ERF: variants seen among roughly 807,000 people sequenced by gnomAD.
ERF encodes ETS domain-containing transcription factor ERF.
ERF carries 10 observed loss-of-function variants against 41.6 expected under a neutral mutation model. The ratio of observed to expected loss-of-function variants is 0.24; its 90% CI spans 0.15 to 0.41. ERF has a LOEUF of 0.41. ERF is among the 10% of genes least tolerant of loss of function. The probability of loss-of-function intolerance (pLI) is 1.00; values close to 1 mark genes in which losing one functional copy is unlikely to be tolerated. For missense variants in ERF, 621 were observed against 763.2 expected, an observed-to-expected ratio of 0.81 and a Z score of 2.19; for synonymous variants, 395 against 342.4, an observed-to-expected ratio of 1.15 and a Z score of -1.70.
In ERF at chr19:42,255,119, A is replaced by G. The variant is rs1168625562; in HGVS notation, c.-120T>C. The G allele has an allele frequency of 4.5e-6, 4 of 884,048 alleles. No individual in the cohort carries two copies. Among genetic ancestry groups the G allele is most frequent in the South Asian group, 1.0e-4 (2 of 19,204 alleles). The allele number at this position is 884,048 out of a possible 1,614,324, so 54.8% of individuals were successfully genotyped here. A position where few individuals can be genotyped will look rare whatever the true frequency, so the allele number is the denominator to read the frequency against. Reference sequence around the variant, plus strand: ...GCCGCCTCACCCGGCCTCGCCTCTCAGAGCCTCTCCCCTCCCCGCCGCCGC... The same window carrying G: ...GCCGCCTCACCCGGCCTCGCCTCTCGGAGCCTCTCCCCTCCCCGCCGCCGC... On this transcript the variant is annotated 5_prime_UTR_variant, in exon 1 of 4. Coordinates refer to ENST00000222329, the MANE Select transcript of ERF (RefSeq NM_006494.4).
Position 42,250,969 on chromosome 19 carries a change from T to G in ERF, c.23-404A>C, listed in dbSNP as rs929035730. On this transcript the variant is annotated intron_variant, in intron 1 of 3. Coordinates refer to ENST00000222329, the MANE Select transcript of ERF (RefSeq NM_006494.4). The surrounding 1 kb of genome is among the most constrained non-coding windows in gnomAD (Gnocchi z 5.1). ...ACCCCCACTCCCATTCAGAGCCAGTTGCACCACCCCAGCTCCTCGGATGTC... is the reference window on the plus strand; with the variant it reads ...ACCCCCACTCCCATTCAGAGCCAGTGGCACCACCCCAGCTCCTCGGATGTC... Among the ~76,000 whole-genome samples, 1 of 152,082 alleles carries G rather than the reference T, an allele frequency of 6.6e-6. No individual in the cohort carries two copies. Among genetic ancestry groups the G allele is most frequent in the East Asian group, 1.9e-4 (1 of 5,180 alleles).
chr19:42,249,012 G>A lies in ERF; in HGVS notation c.1100C>T (p.Ser367Phe). The change falls in exon 4 of 4, where the codon TCC becomes TTC. Residue 367 changes from serine to phenylalanine, a missense_variant. Ser to Phe is a radical substitution (Grantham distance 155, BLOSUM62 -2). Coordinates refer to ENST00000222329, the MANE Select transcript of ERF (RefSeq NM_006494.4). The surrounding 1 kb of genome is among the most constrained non-coding windows in gnomAD (Gnocchi z 8.6). ...GAATGGGGAGGAAGAAGAAGAAGAG[G>A]ATGACGAGGCCGAGGAGGGGACCGG... Reference protein sequence around the residue: ...TPPVPSSASSSSSSSSSPFKF... With the variant: ...TPPVPSSASSFSSSSSSPFKF... 3 of 1,610,440 alleles carry A rather than the reference G, an allele frequency of 1.9e-6. No homozygotes were observed. Among genetic ancestry groups the A allele is most frequent in the Admixed American group, 1.7e-5 (1 of 59,980 alleles).
rs749799715 is a variant in ERF, at chr19:42,249,749, G to A, written c.374-11C>T. On this transcript the variant is annotated splice_polypyrimidine_tract_variant and intron_variant, in intron 3 of 3. Transcript: ENST00000222329. This position sits in a 1 kb window ranked among gnomAD's most constrained non-coding sequence, Gnocchi z 8.6. ...GGGGCACTGCACCCCCTGGCAGAAG[G>A]GAGACAGTGTCAAGGCCCCTGGCCT... The A allele has an allele frequency of 5.0e-6, 8 of 1,609,402 alleles. No homozygotes were observed. In the South Asian group the frequency reaches 8.8e-5, roughly 18 times the overall value.
chr19:42,249,408 T>G lies in ERF; in HGVS notation c.704A>C (p.Tyr235Ser). ...LPHDPGVFRV[Y>S]PRPRGGPEPL... ...TTCAGGGCCACCCCGAGGCCGGGGA[T>G]AGACTCGGAAGACACCAGGGTCATG... Residue 235 changes from tyrosine to serine, a missense_variant, in exon 4 of 4, where the codon TAT (tyrosine) becomes TCT (serine). Physicochemically the swap from Tyr to Ser is moderately radical, Grantham distance 144. Coordinates refer to ENST00000222329, the MANE Select transcript of ERF (RefSeq NM_006494.4). This position sits in a 1 kb window ranked among gnomAD's most constrained non-coding sequence, Gnocchi z 8.6. The G allele has an allele frequency of 1.3e-6, 2 of 1,581,656 alleles. No individual in the cohort carries two copies. Among genetic ancestry groups the G allele is most frequent in the Non-Finnish European group, 1.7e-6 (2 of 1,164,288 alleles).
Position 42,249,970 on chromosome 19 carries a change from G to A in ERF, c.258-28C>T. On this transcript the variant is annotated intron_variant, in intron 2 of 3. Coordinates refer to ENST00000222329, the MANE Select transcript of ERF (RefSeq NM_006494.4). This position sits in a 1 kb window ranked among gnomAD's most constrained non-coding sequence, Gnocchi z 8.6. ...GTGGGTACAGAAATGCCATTGGGAA[G>A]GTCAGGTACGTGGGACCCAGGTCTA... The A allele has an allele frequency of 1.2e-6, 2 of 1,605,020 alleles. No individual in the cohort carries two copies. Among genetic ancestry groups the A allele is most frequent in the Non-Finnish European group, 1.7e-6 (2 of 1,171,820 alleles).
chr19:42,253,784 A>G, intron 1 of ERF: 1 of 597,168 alleles, frequency 1.7e-6, no homozygotes, highest in Non-Finnish European at 2.0e-6. Flanking sequence ...GGGGATGGGA[A>G]TGGGGTGGGA....
chr19:42,249,110 G>A lies in ERF; in HGVS notation c.1002C>T (p.Tyr334=). The change falls in exon 4 of 4, where the codon TAC becomes TAT. Residue 334 remains tyrosine, a synonymous_variant. Coordinates refer to ENST00000222329, the MANE Select transcript of ERF (RefSeq NM_006494.4). This position sits in a 1 kb window ranked among gnomAD's most constrained non-coding sequence, Gnocchi z 8.6. ...YHLSPRAFLH[Y]PGLVVPQPQR... Reference sequence around the variant, plus strand: ...GGGGCTGGGGCACCACCAGCCCAGGGTAGTGCAGGAAGGCGCGGGGGCTGA... The same window carrying A: ...GGGGCTGGGGCACCACCAGCCCAGGATAGTGCAGGAAGGCGCGGGGGCTGA... The A allele has an allele frequency of 6.2e-7, 1 of 1,613,862 alleles. No homozygotes were observed. The highest frequency in any genetic ancestry group is 8.5e-7 in the Non-Finnish European group (1 of 1,179,908).
At position 42,248,629 on chromosome 19, in the gene ERF, C is replaced by A; in HGVS notation, c.1483G>T (p.Glu495Ter). Reference protein sequence around the residue: ...KRRWSEDCRLEGGGGPAGGFE... With the variant: ...KRRWSEDCRL ...CCCCCAGCGGGGCCCCCACCCCCTT[C>A]GAGGCGACAGTCTTCACTCCAGCGC... Residue 495 changes from glutamate to a stop codon, truncating the protein, a stop_gained, in exon 4 of 4, where the codon GAA (glutamate) becomes TAA (stop). Transcript: ENST00000222329. LOFTEE classifies it high-confidence loss of function. This position sits in a 1 kb window ranked among gnomAD's most constrained non-coding sequence, Gnocchi z 4.2. The A allele has an allele frequency of 6.3e-7, 1 of 1,585,188 alleles. No individual in the cohort carries two copies. Among genetic ancestry groups the A allele is most frequent in the Admixed American group, 1.7e-5 (1 of 57,292 alleles).
At position 42,254,712 on chromosome 19, in the gene ERF, G is replaced by A. The variant is rs889067306; in HGVS notation, c.22+266C>T. On this transcript the variant is annotated intron_variant, in intron 1 of 3. Coordinates refer to ENST00000222329, the MANE Select transcript of ERF (RefSeq NM_006494.4). ...GCCACCCCCGTGATCCCGGGAGTGGGGGAGAGCCCGGCCTGCGGGGTCCCG... is the reference window on the plus strand; with the variant it reads ...GCCACCCCCGTGATCCCGGGAGTGGAGGAGAGCCCGGCCTGCGGGGTCCCG... The A allele has an allele frequency of 3.9e-5, 14 of 355,326 alleles. No homozygotes were observed. The Admixed American group carries it at 6.4e-4, about 16-fold the overall frequency. The allele number at this position is 355,326 out of a possible 1,614,324, so 22.0% of individuals were successfully genotyped here.
intron 1 of ERF, 54 bp downstream of exon 1, chr19:42,254,924 G>A (rs1599830429): frequency 6.6e-7 from 1 of 1,511,400 alleles, no homozygotes; most frequent in East Asian, 2.7e-5. Flanking sequence ...AAGTTTCTCC[G>A]TTCGGTTTCC....
chr19:42,252,691 T>C lies in ERF; in HGVS notation c.23-2126A>G, dbSNP rs111243169. Among the ~76,000 whole-genome samples, 222 of 151,224 alleles carry C rather than the reference T, an allele frequency of 1.5e-3. 1 individual carries two copies. Among genetic ancestry groups the C allele is most frequent in the African/African-American group, 5.0e-3 (204 of 41,162 alleles). ...CCCACCACAACGGCGGCTTTCCTCA[T>C]CGGACACAGCATACATGAAGGCCTG... On this transcript the variant is annotated intron_variant, in intron 1 of 3. Transcript: ENST00000222329.
In ERF at chr19:42,249,636, G is replaced by A; in HGVS notation, c.476C>T (p.Pro159Leu). The A allele has an allele frequency of 6.2e-7, 1 of 1,611,740 alleles. No homozygotes were observed. Among genetic ancestry groups the A allele is most frequent in the Non-Finnish European group, 8.5e-7 (1 of 1,179,044 alleles). Residue 159 changes from proline (P) to leucine (L), a missense_variant, in exon 4 of 4, where the codon CCC (proline) becomes CTC (leucine). Coordinates refer to ENST00000222329, the MANE Select transcript of ERF (RefSeq NM_006494.4). The surrounding 1 kb of genome is among the most constrained non-coding windows in gnomAD (Gnocchi z 8.6). The stretch of plus-strand genomic sequence containing the variant: ...TGAAGAGCAGGCTGGTGGTGAGCGG[G>A]GGTCCTCGGTGGGGGACAGCACCTC... ...PSEVLSPTED[P>L]RSPPACSSSS...
Position 42,249,055 on chromosome 19 carries a change from T to C in ERF, c.1057A>G (p.Met353Val), listed in dbSNP as rs149405304. ...QRPDKCPLPPMAPETPPVPSS... is the reference protein window; with the variant it reads ...QRPDKCPLPPVAPETPPVPSS... Reference sequence around the variant, plus strand: ...GGGACCGGTGGGGTCTCGGGTGCCATGGGCGGCAGCGGGCACTTGTCAGGG... The same window carrying C: ...GGGACCGGTGGGGTCTCGGGTGCCACGGGCGGCAGCGGGCACTTGTCAGGG... The change falls in exon 4 of 4, where the codon ATG (methionine) becomes GTG (valine). Residue 353 changes from methionine (M) to valine (V), a missense_variant. Around this residue, in one of 3 missense-constraint regions of ERF, gnomAD observed 569 missense variants for 625.5 expected, o/e 0.91. Transcript: ENST00000222329. The surrounding 1 kb of genome is among the most constrained non-coding windows in gnomAD (Gnocchi z 8.6). 251 of 1,612,528 alleles carry C rather than the reference T, an allele frequency of 1.6e-4. No homozygotes were observed. The African/African-American group carries it at 3.0e-3, about 19-fold the overall frequency.
chr19:42,253,798 G>A (rs1332195881), intron 1 of ERF: 1 of 853,992 alleles, frequency 1.2e-6, no homozygotes, highest in Non-Finnish European at 1.4e-6. Context: ...GGTGGGAATG[G>A]GGTGGGGATG....
At position 42,252,525 on chromosome 19, in the gene ERF, G is replaced by A. The variant is rs1376471227; in HGVS notation, c.23-1960C>T. The stretch of plus-strand genomic sequence containing the variant: ...CACAAAGGGAACTCGGAAAGGAGGT[G>A]GGGGGGCTCTGGAAAGGCCTCAAGC... On this transcript the variant is annotated intron_variant, in intron 1 of 3. Coordinates refer to ENST00000222329, the MANE Select transcript of ERF (RefSeq NM_006494.4). Among the ~76,000 whole-genome samples, 4 of 152,104 alleles carry A rather than the reference G, an allele frequency of 2.6e-5. No homozygotes were observed. In the East Asian group the frequency reaches 7.7e-4, roughly 29 times the overall value.
rs2036396612 is a variant in ERF, at chr19:42,249,273, G to A, written c.839C>T (p.Ser280Leu). The change falls in exon 4 of 4, where the codon TCG becomes TTG. Residue 280 changes from serine (S) to leucine (L), a missense_variant. This residue lies in a region of ERF where 569 missense variants were observed against 625.5 expected (regional missense o/e 0.91). Coordinates refer to ENST00000222329, the MANE Select transcript of ERF (RefSeq NM_006494.4). The surrounding 1 kb of genome is among the most constrained non-coding windows in gnomAD (Gnocchi z 8.6). The part of the protein sequence containing the change: ...MTPTHLAYTP[S>L]PTLSPMYPSG... ...GGGGTACATCGGGCTCAGCGTGGGC[G>A]AGGGAGTGTAGGCCAGGTGGGTGGG... 6.2e-7 allele frequency: 1 copy of A among 1,608,196 alleles called. No individual in the cohort carries two copies.
In ERF at chr19:42,249,266, C is replaced by G. The variant is rs763135472; in HGVS notation, c.846G>C (p.Thr282=). ...PTHLAYTPSP[T]LSPMYPSGGG... is the part of the protein sequence containing the mutation. The stretch of plus-strand genomic sequence containing the variant: ...CACCACTGGGGTACATCGGGCTCAG[C>G]GTGGGCGAGGGAGTGTAGGCCAGGT... The change falls in exon 4 of 4, where the codon ACG becomes ACC. Residue 282 remains threonine (T), a synonymous_variant. Coordinates refer to ENST00000222329, the MANE Select transcript of ERF (RefSeq NM_006494.4). The surrounding 1 kb of genome is among the most constrained non-coding windows in gnomAD (Gnocchi z 8.6). The G allele has an allele frequency of 6.2e-7, 1 of 1,609,712 alleles. No homozygotes were observed.
In ERF at chr19:42,249,962, A is replaced by G. The variant is rs1304810107; in HGVS notation, c.258-20T>C. On this transcript the variant is annotated intron_variant, in intron 2 of 3. Transcript: ENST00000222329. This position sits in a 1 kb window ranked among gnomAD's most constrained non-coding sequence, Gnocchi z 8.6. The stretch of plus-strand genomic sequence containing the variant: ...TAATAGCTGTGGGTACAGAAATGCC[A>G]TTGGGAAGGTCAGGTACGTGGGACC... The G allele has an allele frequency of 6.2e-7, 1 of 1,610,444 alleles. No homozygotes were observed. Among genetic ancestry groups the G allele is most frequent in the Non-Finnish European group, 8.5e-7 (1 of 1,176,770 alleles).
chr19:42,251,679 C>T (rs1462383098), intron 1 of ERF, among the ~76,000 whole-genome samples: 1 of 152,082 alleles, frequency 6.6e-6, no homozygotes, highest in African/African-American at 2.4e-5. Context: ...GGTCAATCCG[C>T]CTCCCTTGGC....
Sources: allele counts gnomAD v4.1 joint callset (sites outside exome capture counted in the v4.1 genomes callset), GRCh38; gene constraint gnomAD v4.1.1; regional missense constraint gnomAD v4.1.1; non-coding constraint Gnocchi (gnomAD v3.1); transcripts MANE v1.5; gene names NCBI Gene and HGNC (gene_info 2026-07-23, HGNC 2026-07-21).